TBXAS1: variants seen among roughly 807,000 people sequenced by gnomAD.
TBXAS1 encodes the protein thromboxane-A synthase.
TBXAS1 carries 48 observed loss-of-function variants against 60.7 expected under a neutral mutation model. That is an observed-to-expected ratio of 0.79 (90% confidence interval 0.63 to 1.01). The LOEUF (loss-of-function observed/expected upper bound fraction) is 1.01. Ranked by LOEUF, TBXAS1 falls within the 50% of genes least tolerant of loss-of-function variation. The pLI, the probability that TBXAS1 is intolerant of heterozygous loss-of-function variation, is 0.00. For synonymous variants in TBXAS1, 287 were observed against 269.7 expected, an observed-to-expected ratio of 1.06 and a Z score of -0.63; for missense variants, 685 against 686.3, an observed-to-expected ratio of 1.00 and a Z score of 0.02.
chr7:140,001,300 G>T (rs1054666702), intron 9 of TBXAS1, among the ~76,000 whole-genome samples: 4 of 152,186 alleles, frequency 2.6e-5, no homozygotes, highest in Non-Finnish European at 4.4e-5. Context: ...TGAAATAAGA[G>T]AATATTCTGC....
At chr7:139,803,629 A>AG (rs1797773572) in intron 4 of TBXAS1, among the ~76,000 whole-genome samples, 1 of 152,086 alleles carries the variant, frequency 6.6e-6, no homozygotes, top group African/African-American at 2.4e-5. Flanking sequence ...CCAGAGGTCT[A>AG]GGGGGAAAAA....
intron 1 of TBXAS1, among the ~76,000 whole-genome samples, chr7:139,840,010 C>T (rs973605744): frequency 2.0e-5 from 3 of 147,006 alleles, no homozygotes; most frequent in Non-Finnish European, 3.0e-5. Context: ...AAAGAGATTT[C>T]AGATAGAGAG....
At chr7:139,859,693 T>G (rs1800833219) in intron 1 of TBXAS1, among the ~76,000 whole-genome samples, 1 of 152,180 alleles carries the variant, frequency 6.6e-6, no homozygotes, top group Non-Finnish European at 1.5e-5. Flanking sequence ...TTTAGAAGAT[T>G]AAGGCCTTAA....
At chr7:139,951,593 T>TAAAAAAAAAAAAAAAA (rs66551791) in intron 5 of TBXAS1, among the ~76,000 whole-genome samples, 25 of 66,312 alleles carry the variant, frequency 3.8e-4, no homozygotes, top group African/African-American at 1.5e-3. Flanking sequence ...CCGTCTCTAC[T>TAAAAAAAAAAAAAAAA]AAAAAAAAAA....
Position 140,004,565 on chromosome 7 carries a change from C to G in TBXAS1, c.1135-2526C>G, listed in dbSNP as rs969412762. ...AGATTGGAAGCAGGAAGACAAGTTG[C>G]CTCCAGGTTTGCCCAACGGGGATGT... is the stretch of plus-strand genomic sequence containing the variant. On this transcript the variant is annotated intron_variant, in intron 9 of 12. Transcript: ENST00000448866. This position sits in a 1 kb window ranked among gnomAD's most constrained non-coding sequence, Gnocchi z 5.1. 6.6e-6 allele frequency among the ~76,000 whole-genome samples: 1 copy of G among 152,218 alleles called. No homozygotes were observed. The highest frequency in any genetic ancestry group is 1.5e-5 in the Non-Finnish European group (1 of 68,044).
chr7:140,009,148 C>T (rs542317898), intron 10 of TBXAS1, among the ~76,000 whole-genome samples: 4 of 152,310 alleles, frequency 2.6e-5, no homozygotes, highest in Admixed American at 1.3e-4. Flanking sequence ...TCCACTGACC[C>T]GTTATAAACA....
intron 3 of TBXAS1, among the ~76,000 whole-genome samples, chr7:139,905,073 C>CTT (rs138216237): frequency 0.19 from 17,637 of 90,630 alleles, 1,705 homozygotes; most frequent in African/African-American, 0.25. Context: ...CTCTCTCTCT[C>CTT]TCTTTCTCTT....
intron 3 of TBXAS1, among the ~76,000 whole-genome samples, chr7:139,888,168 A>C (rs1803263131): frequency 2.6e-5 from 4 of 152,210 alleles, no homozygotes; most frequent in Non-Finnish European, 5.9e-5. Flanking sequence ...AGTTTGCTTT[A>C]ATAAATTCCC....
chr7:139,809,320 T>TTAGATAGATAGATAGATAGA (rs55917453), intron 4 of TBXAS1, among the ~76,000 whole-genome samples: 47 of 144,916 alleles, frequency 3.2e-4, no homozygotes, highest in African/African-American at 4.9e-4. Context: ...CAATAGGAGA[T>TTAGATAGATAGATAGATAGA]TAGATAGATA....
rs565093697 is a variant in TBXAS1 at position 139,878,888 on chromosome 7, AC to A, written c.236+3252del. 1.9e-3 allele frequency among the ~76,000 whole-genome samples: 289 copies of A among 152,286 alleles called. 1 individual carries two copies. The highest frequency in any genetic ancestry group is 6.7e-3 in the African/African-American group (279 of 41,542). ...TGACAAGTGAAATGCCACACTCTACACTGTTGATGCCGTGTAGAGATGTATT... is the reference window on the plus strand; with the variant it reads ...TGACAAGTGAAATGCCACACTCTACATGTTGATGCCGTGTAGAGATGTATT... On this transcript the variant is annotated intron_variant, in intron 3 of 12. Coordinates refer to ENST00000448866, the MANE Select transcript of TBXAS1 (RefSeq NM_001061.7).
chr7:139,949,222 GT>G (rs1371073143), intron 5 of TBXAS1, among the ~76,000 whole-genome samples: 1 of 152,186 alleles, frequency 6.6e-6, no homozygotes, highest in Non-Finnish European at 1.5e-5. Flanking sequence ...CCTCTGAAGA[GT>G]TGTGTGTAAA....
chr7:139,841,298 A>G (rs1799432742), intron 1 of TBXAS1, among the ~76,000 whole-genome samples: 1 of 152,214 alleles, frequency 6.6e-6, no homozygotes, highest in African/African-American at 2.4e-5. Flanking sequence ...GACTTGGCAG[A>G]GGAGAGGAAA....
intron 1 of TBXAS1, among the ~76,000 whole-genome samples, chr7:139,849,092 G>A (rs1800020935): frequency 1.3e-5 from 2 of 152,124 alleles, no homozygotes; most frequent in East Asian, 3.9e-4. Context: ...AACAGGCCAG[G>A]CATGATGGCT....
Position 140,017,743 on chromosome 7 carries a change from C to G in TBXAS1, c.1437C>G (p.Cys479Trp). 1.2e-6 allele frequency: 2 copies of G among 1,614,068 alleles called. No homozygotes were observed. The highest frequency in any genetic ancestry group is 1.7e-6 in the Non-Finnish European group (2 of 1,179,952). Residue 479 changes from cysteine to tryptophan, a missense_variant, in exon 12 of 13, where the codon TGC becomes TGG. Transcript: ENST00000448866. The part of the protein sequence containing the change: ...YLPFGAGPRS[C>W]LGVRLGLLEV... ...CCTTCGGGGCCGGCCCACGGAGCTG[C>G]CTCGGGGTGCGTCTAGGGCTGCTTG...
intron 9 of TBXAS1, among the ~76,000 whole-genome samples, chr7:140,005,758 T>C (rs1814030569): frequency 6.6e-6 from 1 of 152,246 alleles, no homozygotes; most frequent in African/African-American, 2.4e-5. Context: ...ACGTGGCTTA[T>C]AGGCATCATT....
chr7:139,986,755 A>ATATG (rs1316978387), intron 9 of TBXAS1, among the ~76,000 whole-genome samples: 5 of 79,748 alleles, frequency 6.3e-5, no homozygotes, highest in Admixed American at 1.7e-4. Context: ...ATATATATAT[A>ATATG]TGTGTGTGTG....
intron 1 of TBXAS1, 33 bp downstream of exon 1, chr7:139,829,512 C>T (rs554747912): frequency 1.3e-6 from 2 of 1,595,426 alleles, no homozygotes; most frequent in East Asian, 2.2e-5. Context: ...ACTGTGACAG[C>T]GTCAGCCGTC....
intron 4 of TBXAS1, among the ~76,000 whole-genome samples, chr7:139,912,428 C>T (rs1805599548): frequency 6.6e-6 from 1 of 152,176 alleles, no homozygotes; most frequent in African/African-American, 2.4e-5. Context: ...AGAGAATCAC[C>T]TTGCCAACCA....
intron 3 of TBXAS1, among the ~76,000 whole-genome samples, chr7:139,888,586 T>C (rs1167457356): frequency 6.6e-6 from 1 of 152,210 alleles, no homozygotes; most frequent in African/African-American, 2.4e-5. Context: ...AATTCCCCTC[T>C]TGTACCCCAC....
Sources: gnomAD v4.1 joint callset for allele counts (sites outside exome capture counted in the v4.1 genomes callset) on GRCh38, gnomAD v4.1.1 for gene constraint, Gnocchi (gnomAD v3.1) non-coding constraint, MANE v1.5 for transcripts, NCBI Gene and HGNC (gene_info 2026-07-23, HGNC 2026-07-21) for gene names.